The following CREBBP variants were observed in gnomAD, a reference collection of about 807,000 sequenced individuals.
The protein encoded by CREBBP is CREB binding lysine acetyltransferase.
In CREBBP, 19 loss-of-function variants were observed where a neutral mutation model predicts 265.0. The ratio of observed to expected loss-of-function variants is 0.07; its 90% CI spans 0.05 to 0.11. The LOEUF (loss-of-function observed/expected upper bound fraction) is 0.11. CREBBP is among the 10% of genes least tolerant of loss of function. The pLI is 1.00. For synonymous variants in CREBBP, 1,457 were observed against 1,223.7 expected, an observed-to-expected ratio of 1.19 and a Z score of -3.98; for missense variants, 2,525 against 3,219.0, an observed-to-expected ratio of 0.78 and a Z score of 5.22.
chr16:3,849,446 T>A (rs1567360595), intron 2 of CREBBP, among the ~76,000 whole-genome samples: 2 of 33,650 alleles, frequency 5.9e-5, no homozygotes, highest in African/African-American at 1.2e-4. Flanking sequence ...TGTGTGTGTG[T>A]GTGTGTGTGT....
chr16:3,828,684 G>A (rs2054286138), intron 2 of CREBBP, among the ~76,000 whole-genome samples: 1 of 152,144 alleles, frequency 6.6e-6, no homozygotes, highest in Non-Finnish European at 1.5e-5. Flanking sequence ...CTGTATTACA[G>A]ACAAAATGAT....
chr16:3,745,696 A>G (rs1201833839), intron 21 of CREBBP: 5 of 398,862 alleles, frequency 1.3e-5, no homozygotes, highest in African/African-American at 1.0e-4. Flanking sequence ...TTGCAAGAAC[A>G]ATGCCTTCTC....
chr16:3,783,909 A>G (rs1453889845), intron 5 of CREBBP, among the ~76,000 whole-genome samples: 1 of 152,202 alleles, frequency 6.6e-6, no homozygotes, highest in Non-Finnish European at 1.5e-5. Flanking sequence ...AGGTCAATTC[A>G]TCTACCCACC....
At chr16:3,768,150 T>G (rs938924785) in intron 15 of CREBBP, among the ~76,000 whole-genome samples, 1 of 114,222 alleles carries the variant, frequency 8.8e-6, no homozygotes, top group Admixed American at 8.7e-5. Flanking sequence ...TTTTTTTTTT[T>G]TTTTTTTTTT....
At chr16:3,821,258 T>G (rs2054136412) in intron 2 of CREBBP, among the ~76,000 whole-genome samples, 1 of 152,230 alleles carries the variant, frequency 6.6e-6, no homozygotes, top group Non-Finnish European at 1.5e-5. Flanking sequence ...GCTACACTCC[T>G]GGGAGATGTT....
intron 2 of CREBBP, among the ~76,000 whole-genome samples, chr16:3,821,018 A>T (rs1172833274): frequency 6.6e-6 from 1 of 152,144 alleles, no homozygotes; most frequent in Non-Finnish European, 1.5e-5. Context: ...GTCTGCATTA[A>T]TGCATAAGCA....
chr16:3,737,573 C>A (rs1024329370), intron 26 of CREBBP, among the ~76,000 whole-genome samples: 4 of 151,236 alleles, frequency 2.6e-5, no homozygotes, highest in African/African-American at 9.7e-5. Flanking sequence ...GGCTCTCCTG[C>A]CCCCACCTCC....
intron 3 of CREBBP, among the ~76,000 whole-genome samples, chr16:3,808,970 G>A (rs2053884388): frequency 6.6e-6 from 1 of 152,132 alleles, no homozygotes; most frequent in South Asian, 2.1e-4. Context: ...GAACTTGAGG[G>A]GCTGACCTAG....
chr16:3,835,015 G>A (rs369229610), intron 2 of CREBBP, among the ~76,000 whole-genome samples: 10 of 152,066 alleles, frequency 6.6e-5, no homozygotes, highest in South Asian at 4.2e-4. Context: ...AAAATTGGCC[G>A]GGCATGGTGG....
At chr16:3,848,257 A>G (rs2054710737) in intron 2 of CREBBP, among the ~76,000 whole-genome samples, 1 of 152,200 alleles carries the variant, frequency 6.6e-6, no homozygotes, top group Non-Finnish European at 1.5e-5. Context: ...TTACTGTTAA[A>G]TCTGTTAACA....
chr16:3,782,906 T>G lies in CREBBP; in HGVS notation c.1351A>C (p.Ser451Arg). The G allele has an allele frequency of 6.2e-7, 1 of 1,614,158 alleles. No individual in the cohort carries two copies. The highest frequency in any genetic ancestry group is 8.5e-7 in the Non-Finnish European group (1 of 1,180,024). Reference protein sequence around the residue: ...NQQTILGSPASGIQNTIGSVG... With the variant: ...NQQTILGSPARGIQNTIGSVG... ...GAACCAATTGTGTTTTGAATTCCACTAGCTGGAGACCCCAGGATGGCTATA... is the reference window on the plus strand; with the variant it reads ...GAACCAATTGTGTTTTGAATTCCACGAGCTGGAGACCCCAGGATGGCTATA... Residue 451 changes from serine (S) to arginine (R), a missense_variant, in exon 6 of 31, where the codon AGT (serine) becomes CGT (arginine). Physicochemically the swap from Ser to Arg is moderately radical, Grantham distance 110. Around this residue, in one of 19 missense-constraint regions of CREBBP, gnomAD observed 48 missense variants for 70.2 expected, o/e 0.68. Coordinates refer to ENST00000262367, the MANE Select transcript of CREBBP (RefSeq NM_004380.3).
At chr16:3,782,621 T>C in intron 6 of CREBBP, 63 bp downstream of exon 6, 2 of 1,583,210 alleles carry the variant, frequency 1.3e-6, no homozygotes, top group Admixed American at 1.8e-5. Context: ...TTGGGTTCCA[T>C]CACTCCATTC....
intron 2 of CREBBP, among the ~76,000 whole-genome samples, chr16:3,829,036 A>T (rs2054292464): frequency 6.6e-6 from 1 of 151,734 alleles, no homozygotes; most frequent in Non-Finnish European, 1.5e-5. Context: ...CTATAGTCAT[A>T]TACATAATTT....
intron 1 of CREBBP, among the ~76,000 whole-genome samples, chr16:3,853,045 C>T (rs924495419): frequency 1.3e-5 from 2 of 151,830 alleles, no homozygotes; most frequent in African/African-American, 4.8e-5. Flanking sequence ...GGGCTGCCCA[C>T]ACTGGACACC....
intron 3 of CREBBP, among the ~76,000 whole-genome samples, chr16:3,805,197 G>C (rs2053804133): frequency 6.6e-6 from 1 of 152,196 alleles, no homozygotes; most frequent in Non-Finnish European, 1.5e-5. Context: ...GGAGTCAATA[G>C]ATGTAAACTC....
intron 12 of CREBBP, 26 bp from the exon 13 acceptor site, chr16:3,773,956 G>A (rs377228240): frequency 1.5e-5 from 24 of 1,611,672 alleles, no homozygotes; most frequent in African/African-American, 2.7e-5. Context: ...CACCACCAGA[G>A]CTGTAGTTCG....
chr16:3,801,394 G>C (rs1344829231), intron 3 of CREBBP, among the ~76,000 whole-genome samples: 3 of 152,220 alleles, frequency 2.0e-5, no homozygotes, highest in Non-Finnish European at 4.4e-5. Flanking sequence ...GGTGGGCTGG[G>C]TGCAGCAGCT....
At chr16:3,787,875 T>C (rs149398712) in intron 5 of CREBBP, among the ~76,000 whole-genome samples, 100 of 152,262 alleles carry the variant, frequency 6.6e-4, no homozygotes, top group Middle Eastern at 6.8e-3. Context: ...GGGGTTTCAC[T>C]GTGTTGCTCA....
intron 2 of CREBBP, among the ~76,000 whole-genome samples, chr16:3,811,820 C>G (rs2053943628): frequency 6.6e-6 from 1 of 152,074 alleles, no homozygotes; most frequent in African/African-American, 2.4e-5. Flanking sequence ...ATAACGTTTT[C>G]TTTTCTCTAG....
Sources: gnomAD v4.1 joint callset for allele counts (sites outside exome capture counted in the v4.1 genomes callset) on GRCh38, gnomAD v4.1.1 for gene constraint, gnomAD v4.1.1 regional missense constraint, MANE v1.5 for transcripts, NCBI Gene and HGNC (gene_info 2026-07-23, HGNC 2026-07-21) for gene names.